The following GSE1 variants were observed in gnomAD, a reference collection of about 807,000 sequenced individuals.
GSE1 encodes the protein Gse1 coiled-coil protein.
In GSE1, 32 loss-of-function variants were observed where a neutral mutation model predicts 112.6. That is an observed-to-expected ratio of 0.28 (90% confidence interval 0.21 to 0.38). The LOEUF (loss-of-function observed/expected upper bound fraction) is 0.38, where lower values mean the gene tolerates loss of function less well. Ranked by LOEUF, GSE1 falls within the 10% of genes least tolerant of loss-of-function variation. GSE1 has a pLI of 1.00. For missense variants in GSE1, 2,348 were observed against 1,699.2 expected (o/e 1.38, Z -6.71); for synonymous variants, 1,115 against 735.6 (o/e 1.52, Z -8.35).
intron 3 of GSE1, among the ~76,000 whole-genome samples, chr16:85,653,604 C>T (rs895779374): frequency 5.9e-5 from 9 of 151,942 alleles, no homozygotes; most frequent in Non-Finnish European, 1.0e-4. Context: ...CGAGCTGTTG[C>T]CTTCCCTGCC....
chr16:85,202,922 G>A (rs879545718), intron 1 of GSE1, among the ~76,000 whole-genome samples: 2 of 152,078 alleles, frequency 1.3e-5, no homozygotes, highest in South Asian at 4.1e-4. Context: ...GAAGGTCAGA[G>A]CCAGCCCTCG....
At chr16:85,650,619 C>T (rs534654619) in intron 3 of GSE1, among the ~76,000 whole-genome samples, 13 of 152,328 alleles carry the variant, frequency 8.5e-5, no homozygotes, top group Admixed American at 4.6e-4. Flanking sequence ...AGCAGGGGCG[C>T]GACAGGCCCG....
rs1254375511 is a variant in GSE1 at position 85,280,088 on chromosome 16, C to A, written c.2284-77375C>A. ...TTCTGTTGGCAACACGCCCAGCGCTCGGAAGGTCTGCAGCACTCTCTCCAG... is the reference window on the plus strand; with the variant it reads ...TTCTGTTGGCAACACGCCCAGCGCTAGGAAGGTCTGCAGCACTCTCTCCAG... On this transcript the variant is annotated intron_variant, in intron 1 of 2. Transcript: ENST00000637419. Among the ~76,000 whole-genome samples, 2 of 152,318 alleles carry A rather than the reference C, an allele frequency of 1.3e-5. 1 individual carries two copies. The highest frequency in any genetic ancestry group is 4.1e-4 in the South Asian group (2 of 4,828).
In GSE1 at chr16:85,311,032, G is replaced by C. The variant is rs776845901; in HGVS notation, c.2284-46431G>C. Among the ~76,000 whole-genome samples the C allele has an allele frequency of 1.3e-5, 2 of 152,216 alleles. No homozygotes were observed. Among genetic ancestry groups the C allele is most frequent in the Non-Finnish European group, 2.9e-5 (2 of 68,030 alleles). On this transcript the variant is annotated intron_variant, in intron 1 of 2. Coordinates refer to the GSE1 transcript ENST00000637419. The surrounding 1 kb of genome is among the most constrained non-coding windows in gnomAD (Gnocchi z 4.2). ...AATATAAACCCAGCCGCCTTTCCGC[G>C]GCCGTCAGCAATGGCCATGGCTCTG...
chr16:85,334,135 G>A (rs946001510), intron 1 of GSE1, among the ~76,000 whole-genome samples: 3 of 152,128 alleles, frequency 2.0e-5, no homozygotes, highest in Admixed American at 2.0e-4. Flanking sequence ...CTGAGCCCAC[G>A]CGGCCTTCCT....
intron 2 of GSE1, among the ~76,000 whole-genome samples, chr16:85,512,781 G>A (rs2051791933): frequency 1.3e-5 from 2 of 152,172 alleles, no homozygotes; most frequent in Non-Finnish European, 2.9e-5. Flanking sequence ...TGTTGGTGGA[G>A]ACAGAAGCTA....
At chr16:85,370,023 C>T (rs1424798469) in intron 2 of GSE1, among the ~76,000 whole-genome samples, 1 of 152,166 alleles carries the variant, frequency 6.6e-6, no homozygotes, top group East Asian at 1.9e-4. Flanking sequence ...GTTAGTAACT[C>T]CCGAGTTTAG....
Position 85,304,609 on chromosome 16 carries a change from T to TGGG in GSE1, c.2284-52852_2284-52850dup, listed in dbSNP as rs34644508. On this transcript the variant is annotated intron_variant, in intron 1 of 2. Coordinates refer to the GSE1 transcript ENST00000637419. ...AGCTGCCAAGCCGGGGGCGGGGGGG[T>TGGG]GGGGCATCCCTTTTGCCTTGAGTCC... Among the ~76,000 whole-genome samples the TGGG allele has an allele frequency of 4.4e-4, 49 of 110,992 alleles. 1 individual carries two copies. Among genetic ancestry groups the TGGG allele is most frequent in the African/African-American group, 1.2e-3 (41 of 33,044 alleles). 72.8% of individuals were successfully genotyped at this position (110,992 alleles called of 152,430 possible).
At position 85,391,094 on chromosome 16, in the gene GSE1, C is replaced by G. The variant is rs369022209; in HGVS notation, c.2464+33451C>G. Among the ~76,000 whole-genome samples the G allele has an allele frequency of 2.0e-4, 30 of 152,304 alleles. No homozygotes were observed. The East Asian group carries it at 4.3e-3, about 22-fold the overall frequency. ...TGTCAGCTCCCAGGCACCGCCCCCCCACCGCCCCAGCTGGCAGCCCCAGCA... is the reference window on the plus strand; with the variant it reads ...TGTCAGCTCCCAGGCACCGCCCCCCGACCGCCCCAGCTGGCAGCCCCAGCA... On this transcript the variant is annotated intron_variant, in intron 2 of 2. Transcript: ENST00000637419.
At chr16:85,596,352 C>T (rs8055652) in intron 1 of GSE1, among the ~76,000 whole-genome samples, 7,267 of 152,210 alleles carry the variant, frequency 0.048, 596 homozygotes, top group African/African-American at 0.16. Flanking sequence ...ACTTCTGTGA[C>T]GCTTCTAGAC....
intron 2 of GSE1, among the ~76,000 whole-genome samples, chr16:85,427,372 G>T (rs28522295): frequency 0.094 from 14,348 of 152,198 alleles, 1,024 homozygotes; most frequent in East Asian, 0.42. Flanking sequence ...CCGGGCGCAG[G>T]GGCTCAGGCC....
rs79130949 is a variant in GSE1, at chr16:85,632,113, G to A, written c.8-1801G>A. On this transcript the variant is annotated intron_variant, in intron 1 of 15. Coordinates refer to ENST00000253458, the MANE Select transcript of GSE1 (RefSeq NM_014615.5). ...TTGGATGTCTGTGCCGGGTTGAAGC[G>A]GCCTTGGAAAGGCAGGATGGGGGTG... is the stretch of plus-strand genomic sequence containing the variant. 2.0e-3 allele frequency among the ~76,000 whole-genome samples: 300 copies of A among 152,290 alleles called. 6 individuals are homozygous for A. In the East Asian group the frequency reaches 0.044, roughly 22 times the overall value.
intron 1 of GSE1, among the ~76,000 whole-genome samples, chr16:85,630,668 G>A (rs780398575): frequency 1.3e-5 from 2 of 152,164 alleles, no homozygotes; most frequent in Non-Finnish European, 2.9e-5. Flanking sequence ...TGTGGTGCGC[G>A]CACATGTGAC....
Position 85,648,691 on chromosome 16 carries a change from C to G in GSE1, c.366C>G (p.Pro122=). Residue 122 remains proline, a synonymous_variant, in exon 3 of 16, where the codon CCC becomes CCG. Coordinates refer to ENST00000253458, the MANE Select transcript of GSE1 (RefSeq NM_014615.5). ...GCCACAGCGTGCCCAGCACCCCCCC[C>G]GTGGTGACCATCGCTCCAACCAAAA... ...PGGHSVPSTP[P]VVTIAPTKTV... 1 of 1,608,520 alleles carries G rather than the reference C, an allele frequency of 6.2e-7. No individual in the cohort carries two copies. The highest frequency in any genetic ancestry group is 8.5e-7 in the Non-Finnish European group (1 of 1,177,296).
intron 8 of GSE1, 106 bp downstream of exon 8, chr16:85,657,710 G>C: frequency 1.4e-6 from 1 of 716,806 alleles, no homozygotes. Context: ...CAGCGTTTCT[G>C]CCTGCCTCTT....
At chr16:85,430,555 C>T (rs569799918) in intron 2 of GSE1, among the ~76,000 whole-genome samples, 11 of 152,302 alleles carry the variant, frequency 7.2e-5, no homozygotes, top group Admixed American at 1.3e-4. Context: ...GGCCAGGGGG[C>T]GGAGGGGTGA....
At chr16:85,239,602 C>A (rs1905009953) in intron 1 of GSE1, among the ~76,000 whole-genome samples, 1 of 152,196 alleles carries the variant, frequency 6.6e-6, no homozygotes, top group South Asian at 2.1e-4. Flanking sequence ...CTAACCTGGG[C>A]TGCAGGAGAT....
chr16:85,350,654 G>A (rs548272143), intron 1 of GSE1, among the ~76,000 whole-genome samples: 4 of 152,290 alleles, frequency 2.6e-5, no homozygotes, highest in African/African-American at 9.6e-5. Context: ...TGTTCCTGAT[G>A]TTCCTGCTCT....
intron 2 of GSE1, among the ~76,000 whole-genome samples, chr16:85,491,575 A>G (rs939705057): frequency 6.6e-6 from 1 of 152,068 alleles, no homozygotes; most frequent in East Asian, 1.9e-4. Context: ...GTGGGCAAGG[A>G]GGGCGAGACG....
Sources: gnomAD v4.1 joint callset for allele counts (sites outside exome capture counted in the v4.1 genomes callset) on GRCh38, gnomAD v4.1.1 for gene constraint, Gnocchi (gnomAD v3.1) non-coding constraint, MANE v1.5 for transcripts, NCBI Gene and HGNC (gene_info 2026-07-23, HGNC 2026-07-21) for gene names.